The following ARHGAP15 variants were observed in gnomAD, a reference collection of about 807,000 sequenced individuals.
The protein encoded by ARHGAP15 is rho GTPase-activating protein 15.
Under a neutral mutation model 63.7 loss-of-function variants are expected in ARHGAP15, and 51 were observed. That is an observed-to-expected ratio of 0.80 (90% confidence interval 0.64 to 1.01). The LOEUF is 1.01. Ranked by LOEUF, ARHGAP15 falls within the 50% of genes least tolerant of loss-of-function variation. The pLI, the probability that ARHGAP15 is intolerant of heterozygous loss-of-function variation, is 0.00. For synonymous variants in ARHGAP15, 191 were observed against 193.8 expected (o/e 0.99, Z 0.12); for missense variants, 560 against 564.6 (o/e 0.99, Z 0.08).
chr2:143,536,228 T>C (rs1694752741), intron 10 of ARHGAP15, among the ~76,000 whole-genome samples: 1 of 152,204 alleles, frequency 6.6e-6, no homozygotes, highest in African/African-American at 2.4e-5. Context: ...CAGCCTCTAG[T>C]AGCCACCATT....
At chr2:143,245,311 C>T (rs1694008240) in intron 5 of ARHGAP15, among the ~76,000 whole-genome samples, 1 of 152,142 alleles carries the variant, frequency 6.6e-6, no homozygotes, top group Non-Finnish European at 1.5e-5. Context: ...AGGTGAAATG[C>T]TTCCATGGCC....
At chr2:143,387,713 A>G (rs1401132626) in intron 6 of ARHGAP15, among the ~76,000 whole-genome samples, 1 of 152,152 alleles carries the variant, frequency 6.6e-6, no homozygotes, top group African/African-American at 2.4e-5. Context: ...ATAGAAAAAA[A>G]AAAACACAGC....
intron 10 of ARHGAP15, among the ~76,000 whole-genome samples, chr2:143,545,621 T>A (rs1045313750): frequency 1.3e-5 from 2 of 152,090 alleles, no homozygotes; most frequent in Admixed American, 6.6e-5. Context: ...ATAATCCCCA[T>A]TGATTTTTAA....
chr2:143,309,584 T>C (rs369567980), intron 6 of ARHGAP15, among the ~76,000 whole-genome samples: 2 of 152,088 alleles, frequency 1.3e-5, no homozygotes, highest in East Asian at 1.9e-4. Flanking sequence ...GTTTGGTGGC[T>C]AAGGAGGGTT....
At chr2:143,572,764 T>C (rs1409075937) in intron 11 of ARHGAP15, among the ~76,000 whole-genome samples, 2 of 152,130 alleles carry the variant, frequency 1.3e-5, no homozygotes, top group African/African-American at 4.8e-5. Flanking sequence ...GAATCCTAAA[T>C]CCACGCGTGA....
chr2:143,262,860 G>A lies in ARHGAP15; in HGVS notation c.474+12260G>A, dbSNP rs370225473. 1.1e-4 allele frequency among the ~76,000 whole-genome samples: 17 copies of A among 152,184 alleles called. 1 individual carries two copies. The South Asian group carries it at 3.3e-3, about 30-fold the overall frequency. ...GAAGCAGAACTCTCCCGTATCCCAA[G>A]AATAAGAATATCTAATTCAGCAGAG... is the stretch of plus-strand genomic sequence containing the variant. On this transcript the variant is annotated intron_variant, in intron 6 of 13. Coordinates refer to ENST00000295095, the MANE Select transcript of ARHGAP15 (RefSeq NM_018460.4).
intron 4 of ARHGAP15, among the ~76,000 whole-genome samples, chr2:143,223,731 T>C (rs553258446): frequency 6.6e-6 from 1 of 152,290 alleles, no homozygotes; most frequent in African/African-American, 2.4e-5. Context: ...GCTCCTCTCA[T>C]GAGGCTCTCA....
intron 13 of ARHGAP15, among the ~76,000 whole-genome samples, chr2:143,712,313 G>A (rs1413321949): frequency 2.0e-5 from 3 of 152,202 alleles, no homozygotes; most frequent in South Asian, 2.1e-4. Context: ...ATAGGAAAAG[G>A]ACCAAACTGG....
chr2:143,401,658 G>C (rs149036804), intron 6 of ARHGAP15, among the ~76,000 whole-genome samples: 3 of 152,014 alleles, frequency 2.0e-5, no homozygotes, highest in Admixed American at 6.6e-5. Context: ...CATTTTTACA[G>C]TGATTTCAGA....
intron 2 of ARHGAP15, among the ~76,000 whole-genome samples, chr2:143,178,174 G>C (rs1003729543): frequency 2.6e-5 from 4 of 152,178 alleles, no homozygotes; most frequent in African/African-American, 9.7e-5. Flanking sequence ...AGGATTACAA[G>C]ATTTATTATG....
At chr2:143,688,331 T>G (rs1250585497) in intron 12 of ARHGAP15, among the ~76,000 whole-genome samples, 1 of 152,146 alleles carries the variant, frequency 6.6e-6, no homozygotes, top group East Asian at 1.9e-4. Flanking sequence ...GTTTAGTATC[T>G]CTCCAGAGCA....
intron 5 of ARHGAP15, among the ~76,000 whole-genome samples, chr2:143,235,685 G>A (rs1396433468): frequency 6.6e-6 from 1 of 152,156 alleles, no homozygotes; most frequent in Non-Finnish European, 1.5e-5. Context: ...CTCCTTCTTC[G>A]AGGCTCTTCA....
chr2:143,458,556 C>T (rs944310003), intron 8 of ARHGAP15, among the ~76,000 whole-genome samples: 3 of 152,178 alleles, frequency 2.0e-5, no homozygotes, highest in African/African-American at 7.2e-5. Context: ...AAAGAAAAAT[C>T]TGAAAGTTCT....
At chr2:143,411,163 C>A (rs1332949642) in intron 6 of ARHGAP15, among the ~76,000 whole-genome samples, 3 of 152,026 alleles carry the variant, frequency 2.0e-5, no homozygotes, top group Admixed American at 2.0e-4. Flanking sequence ...CAAGATCATG[C>A]CACTGCACTC....
At chr2:143,293,653 C>T (rs746334857) in intron 6 of ARHGAP15, among the ~76,000 whole-genome samples, 2 of 152,106 alleles carry the variant, frequency 1.3e-5, no homozygotes, top group African/African-American at 2.4e-5. Flanking sequence ...ATTTACTAAG[C>T]ACCTGATGAA....
At chr2:143,537,028 AG>A (rs1303490695) in intron 10 of ARHGAP15, among the ~76,000 whole-genome samples, 1 of 151,922 alleles carries the variant, frequency 6.6e-6, no homozygotes, top group African/African-American at 2.4e-5. Context: ...CATCCTCTCC[AG>A]CACCTGTTGT....
chr2:143,394,558 T>A (rs1687676333), intron 6 of ARHGAP15, among the ~76,000 whole-genome samples: 1 of 152,146 alleles, frequency 6.6e-6, no homozygotes, highest in East Asian at 1.9e-4. Flanking sequence ...TGTCAACCTC[T>A]CACATTCCAA....
intron 8 of ARHGAP15, among the ~76,000 whole-genome samples, chr2:143,477,373 GTGA>G (rs534292255): frequency 7.2e-5 from 11 of 151,766 alleles, no homozygotes; most frequent in African/African-American, 2.4e-4. Context: ...TATTACAGTG[GTGA>G]TGATGATGCA....
rs559371125 is a variant in ARHGAP15, at chr2:143,725,414, G to A, written c.1244+21890G>A. Among the ~76,000 whole-genome samples the A allele has an allele frequency of 2.0e-5, 3 of 152,334 alleles. No individual in the cohort carries two copies. In the East Asian group the frequency reaches 5.8e-4, roughly 29 times the overall value. The stretch of plus-strand genomic sequence containing the variant: ...ACACCATATTCAACACCAATCTGGA[G>A]AAAACAACGTACTCTGCTCTTTTAA... On this transcript the variant is annotated intron_variant, in intron 13 of 13. Coordinates refer to ENST00000295095, the MANE Select transcript of ARHGAP15 (RefSeq NM_018460.4).
Sources: allele counts gnomAD v4.1 joint callset (sites outside exome capture counted in the v4.1 genomes callset), GRCh38; gene constraint gnomAD v4.1.1; transcripts MANE v1.5; gene names NCBI Gene and HGNC (gene_info 2026-07-23, HGNC 2026-07-21).